Variants in RANBP9 observed in about 807,000 individuals in gnomAD.
RANBP9 encodes RAN binding protein 9.
Under a neutral mutation model 84.3 loss-of-function variants are expected in RANBP9, and 15 were observed. The observed-to-expected ratio is 0.18, with a 90% CI of 0.12 to 0.27. RANBP9 has a LOEUF of 0.27. Among genes scored for constraint, RANBP9 ranks in the 10% least tolerant of loss-of-function variants. RANBP9 has a pLI of 1.00. For synonymous variants in RANBP9, 392 were observed against 349.6 expected, an observed-to-expected ratio of 1.12 and a Z score of -1.35; for missense variants, 809 against 912.8, an observed-to-expected ratio of 0.89 and a Z score of 1.46.
chr6:13,664,491 A>C (rs1311234900), intron 2 of RANBP9, among the ~76,000 whole-genome samples: 2 of 152,016 alleles, frequency 1.3e-5, no homozygotes, highest in African/African-American at 2.4e-5. Flanking sequence ...AGCTGATTCT[A>C]AAGTGTATAT....
At chr6:13,684,183 C>T (rs767888068) in intron 2 of RANBP9, among the ~76,000 whole-genome samples, 2 of 152,176 alleles carry the variant, frequency 1.3e-5, no homozygotes, top group Non-Finnish European at 2.9e-5. Context: ...CATTGTTCTA[C>T]ACAACATGGA....
chr6:13,667,165 AAC>A (rs1162667429), intron 2 of RANBP9, among the ~76,000 whole-genome samples: 1 of 152,212 alleles, frequency 6.6e-6, no homozygotes, highest in South Asian at 2.1e-4. Flanking sequence ...TGCATTTATT[AAC>A]AGTTATGTAA....
intron 2 of RANBP9, among the ~76,000 whole-genome samples, chr6:13,667,288 C>A (rs1270512309): frequency 6.6e-6 from 1 of 152,142 alleles, no homozygotes; most frequent in Non-Finnish European, 1.5e-5. Context: ...TTCTCTCCAT[C>A]TTTTTCTGTG....
intron 5 of RANBP9, among the ~76,000 whole-genome samples, chr6:13,648,709 C>G (rs1401259889): frequency 6.6e-6 from 1 of 152,182 alleles, no homozygotes; most frequent in Non-Finnish European, 1.5e-5. Context: ...CATTCGATCT[C>G]TTTTAATAAA....
rs117243200 is a variant in RANBP9 at position 13,680,751 on chromosome 6, G to A, written c.683+16034C>T. Among the ~76,000 whole-genome samples, 53 of 148,530 alleles carry A rather than the reference G, an allele frequency of 3.6e-4. No homozygotes were observed. The East Asian group carries it at 4.9e-3, about 14-fold the overall frequency. ...AACCTGGGCAACTAAGTGAGAGTCT[G>A]TCTCGGAAAAAAAAAAAAAAGAAAG... On this transcript the variant is annotated intron_variant, in intron 2 of 13. Coordinates refer to ENST00000011619, the MANE Select transcript of RANBP9 (RefSeq NM_005493.3).
At position 13,648,090 on chromosome 6, in the gene RANBP9, C is replaced by G. The variant is rs535688203; in HGVS notation, c.928-3361G>C. On this transcript the variant is annotated intron_variant, in intron 5 of 13. Transcript: ENST00000011619. ...TTCTAACTCTATGGATCTGCCCATT[C>G]TGGACATTTTGCATAAATGGAACAA... is the stretch of plus-strand genomic sequence containing the variant. Among the ~76,000 whole-genome samples, 5 of 145,658 alleles carry G rather than the reference C, an allele frequency of 3.4e-5. No homozygotes were observed. The Admixed American group carries it at 3.5e-4, about 10-fold the overall frequency.
intron 2 of RANBP9, among the ~76,000 whole-genome samples, chr6:13,669,330 C>A (rs961972967): frequency 6.6e-6 from 1 of 152,120 alleles, no homozygotes; most frequent in Non-Finnish European, 1.5e-5. Flanking sequence ...TCAACACAAA[C>A]CCTATCAAAA....
rs184684231 is a variant in RANBP9, at chr6:13,661,234, G to A, written c.684-2402C>T. Among the ~76,000 whole-genome samples, 414 of 152,260 alleles carry A rather than the reference G, an allele frequency of 2.7e-3. 1 individual carries two copies. Among genetic ancestry groups the A allele is most frequent in the Non-Finnish European group, 4.0e-3 (272 of 68,022 alleles). ...CCAGGATCTAAACCAGTTAGTTATT[G>A]AATGGATCCATGACAGAACCTGCAA... is the stretch of plus-strand genomic sequence containing the variant. On this transcript the variant is annotated intron_variant, in intron 2 of 13. Coordinates refer to ENST00000011619, the MANE Select transcript of RANBP9 (RefSeq NM_005493.3).
At chr6:13,702,422 C>T (rs1757998048) in intron 1 of RANBP9, among the ~76,000 whole-genome samples, 1 of 152,130 alleles carries the variant, frequency 6.6e-6, no homozygotes, top group South Asian at 2.1e-4. Context: ...TAATAATAAC[C>T]AGGTAGGCTA....
In RANBP9 at chr6:13,639,895, T is replaced by C. The variant is rs905890847; in HGVS notation, c.1335-142A>G. 4.3e-6 allele frequency: 3 copies of C among 698,656 alleles called. No individual in the cohort carries two copies. The African/African-American group carries it at 5.4e-5, about 13-fold the overall frequency. 43.3% of individuals were successfully genotyped at this position (698,656 alleles called of 1,614,324 possible). On this transcript the variant is annotated intron_variant, in intron 8 of 13. Transcript: ENST00000011619. The stretch of plus-strand genomic sequence containing the variant: ...AGTAAGCTAAAAATATTAAATATGG[T>C]GTCCTATGCTTTAATGCTTAGAATT...
intron 1 of RANBP9, among the ~76,000 whole-genome samples, chr6:13,705,047 C>A (rs1758067463): frequency 6.6e-6 from 1 of 152,140 alleles, no homozygotes; most frequent in African/African-American, 2.4e-5. Flanking sequence ...TCACTAAAAG[C>A]TCATTAAATA....
chr6:13,626,099 A>G (rs558600905), intron 12 of RANBP9, among the ~76,000 whole-genome samples: 57 of 152,268 alleles, frequency 3.7e-4, no homozygotes, highest in Middle Eastern at 3.4e-3. Flanking sequence ...TTACTTCACA[A>G]TTTATTACTA....
At chr6:13,699,986 TTTA>T (rs1267139617) in intron 1 of RANBP9, among the ~76,000 whole-genome samples, 1 of 152,174 alleles carries the variant, frequency 6.6e-6, no homozygotes, top group Non-Finnish European at 1.5e-5. Flanking sequence ...CACCTGAAAG[TTTA>T]TTATTACCTC....
At chr6:13,710,896 T>A in intron 1 of RANBP9, 39 bp downstream of exon 1, 2 of 1,547,456 alleles carry the variant, frequency 1.3e-6, no homozygotes, top group South Asian at 1.2e-5. Flanking sequence ...CCACGTCGGG[T>A]CAGTGCCCCA....
At chr6:13,703,568 G>C (rs575717317) in intron 1 of RANBP9, among the ~76,000 whole-genome samples, 94 of 152,314 alleles carry the variant, frequency 6.2e-4, no homozygotes, top group African/African-American at 2.0e-3. Context: ...CACCTGACTT[G>C]AAGGCCACCA....
chr6:13,666,600 CAAAAAAAAAAAAA>C (rs70989878), intron 2 of RANBP9, among the ~76,000 whole-genome samples: 73 of 43,702 alleles, frequency 1.7e-3, no homozygotes, highest in South Asian at 6.4e-3. Flanking sequence ...CCCGTCTCTC[CAAAAAAAAAAAAA>C]AAAAAAAAAA....
intron 5 of RANBP9, among the ~76,000 whole-genome samples, chr6:13,648,274 C>T (rs943376005): frequency 1.3e-5 from 2 of 151,358 alleles, no homozygotes; most frequent in East Asian, 1.9e-4. Context: ...CTCAGCCTCC[C>T]GAGTATGGGA....
At chr6:13,674,183 C>T (rs1430624444) in intron 2 of RANBP9, among the ~76,000 whole-genome samples, 1 of 151,562 alleles carries the variant, frequency 6.6e-6, no homozygotes, top group Non-Finnish European at 1.5e-5. Context: ...TTTAACAATA[C>T]TTTCAATGTG....
chr6:13,659,240 CCCCACACACACACACATACACA>C (rs1487257974), intron 2 of RANBP9, among the ~76,000 whole-genome samples: 2 of 109,970 alleles, frequency 1.8e-5, no homozygotes, highest in East Asian at 4.0e-4. Context: ...CAAATTTAGA[CCCCACACACACACACATACACA>C]CACACACACA....
Sources: gnomAD v4.1 joint callset for allele counts (sites outside exome capture counted in the v4.1 genomes callset) on GRCh38, gnomAD v4.1.1 for gene constraint, MANE v1.5 for transcripts, NCBI Gene and HGNC (gene_info 2026-07-23, HGNC 2026-07-21) for gene names.